AFF3: variants seen among roughly 807,000 people sequenced by gnomAD.
AFF3 encodes the protein AF4/FMR2 family member 3.
AFF3 carries 32 observed loss-of-function variants against 129.7 expected under a neutral mutation model. The ratio of observed to expected loss-of-function variants is 0.25; its 90% CI spans 0.19 to 0.33. AFF3 has a LOEUF of 0.33. Among genes scored for constraint, AFF3 ranks in the 10% least tolerant of loss-of-function variants. The pLI is 1.00. For synonymous variants in AFF3, 644 were observed against 635.4 expected (o/e 1.01, Z -0.20); for missense variants, 1,373 against 1,592.0 (o/e 0.86, Z 2.34).
chr2:99,560,290 G>GC lies in AFF3; in HGVS notation c.3191+74dup. On this transcript the variant is annotated intron_variant, in intron 21 of 24. Transcript: ENST00000672756. The stretch of plus-strand genomic sequence containing the variant: ...TTAGAAGACATTGGGCAAACACTAT[G>GC]CCTTTCAGCACCTGGTTTGCCAATG... 3 of 1,480,286 alleles carry GC rather than the reference G, an allele frequency of 2.0e-6. No individual in the cohort carries two copies. The South Asian group carries it at 3.4e-5, about 17-fold the overall frequency. 91.7% of individuals were successfully genotyped at this position (1,480,286 alleles called of 1,614,324 possible). A position where few individuals can be genotyped will look rare whatever the true frequency, so the allele number is the denominator to read the frequency against.
At chr2:99,974,469 C>T (rs957100825) in intron 7 of AFF3, among the ~76,000 whole-genome samples, 4 of 152,174 alleles carry the variant, frequency 2.6e-5, no homozygotes, top group Admixed American at 6.5e-5. Flanking sequence ...TCCAAACACT[C>T]GCAGACAAGA....
intron 4 of AFF3, among the ~76,000 whole-genome samples, chr2:100,070,129 T>A (rs1367693783): frequency 6.6e-6 from 1 of 152,194 alleles, no homozygotes; most frequent in African/African-American, 2.4e-5. Context: ...TGGAGTAATT[T>A]GTATCAAGTG....
chr2:100,137,470 T>G (rs1692682121), intron 1 of AFF3, among the ~76,000 whole-genome samples: 1 of 152,202 alleles, frequency 6.6e-6, no homozygotes, highest in African/African-American at 2.4e-5. Flanking sequence ...GCCCCTAACT[T>G]ACCCCTCAGT....
intron 13 of AFF3, among the ~76,000 whole-genome samples, chr2:99,645,171 C>T (rs969851156): frequency 2.0e-4 from 30 of 152,168 alleles, no homozygotes; most frequent in African/African-American, 6.5e-4. Context: ...CCCCCCTCTA[C>T]GAAAAGTCCA....
At chr2:99,787,764 T>C (rs1684912401) in intron 8 of AFF3, among the ~76,000 whole-genome samples, 1 of 151,998 alleles carries the variant, frequency 6.6e-6, no homozygotes, top group Non-Finnish European at 1.5e-5. Context: ...CAAACAACAA[T>C]CCGGGAGCCT....
intron 7 of AFF3, among the ~76,000 whole-genome samples, chr2:99,867,676 T>C (rs926867408): frequency 1.3e-5 from 2 of 152,076 alleles, no homozygotes; most frequent in African/African-American, 4.8e-5. Context: ...GGAATGTTCC[T>C]TGCTAATGTC....
chr2:99,599,037 A>G (rs1679560154), intron 14 of AFF3, among the ~76,000 whole-genome samples: 2 of 152,078 alleles, frequency 1.3e-5, no homozygotes, highest in Admixed American at 1.3e-4. Context: ...TAGGGAAGCC[A>G]GGAATCCAAA....
intron 4 of AFF3, among the ~76,000 whole-genome samples, chr2:100,063,054 C>T (rs1417146289): frequency 6.6e-6 from 1 of 152,030 alleles, no homozygotes; most frequent in East Asian, 1.9e-4. Context: ...AGTTCAGGAC[C>T]AGCCTGGCCA....
chr2:99,806,070 A>G (rs1303467854), intron 8 of AFF3, among the ~76,000 whole-genome samples: 1 of 152,152 alleles, frequency 6.6e-6, no homozygotes, highest in Non-Finnish European at 1.5e-5. Context: ...AAAAAAAAAG[A>G]GCAGAACAGT....
chr2:99,869,297 A>C (rs1241188468), intron 7 of AFF3, among the ~76,000 whole-genome samples: 1 of 152,194 alleles, frequency 6.6e-6, no homozygotes, highest in Non-Finnish European at 1.5e-5. Flanking sequence ...TTATCTGTAA[A>C]GACTTTGCTG....
At chr2:99,791,910 A>G (rs887499583) in intron 8 of AFF3, among the ~76,000 whole-genome samples, 4 of 151,808 alleles carry the variant, frequency 2.6e-5, no homozygotes, top group African/African-American at 9.7e-5. Context: ...AGTGCAAAAA[A>G]GTTGTGATGT....
chr2:99,648,997 G>A (rs1440993075), intron 13 of AFF3, among the ~76,000 whole-genome samples: 2 of 151,300 alleles, frequency 1.3e-5, no homozygotes, highest in East Asian at 1.9e-4. Context: ...CAAGGGTCTG[G>A]TCTATTCTAG....
In AFF3 at chr2:99,865,961, C is replaced by T. The variant is rs750895995; in HGVS notation, c.874-28437G>A. 5.3e-5 allele frequency among the ~76,000 whole-genome samples: 8 copies of T among 152,338 alleles called. 1 individual carries two copies. The South Asian group carries it at 6.2e-4, about 12-fold the overall frequency. On this transcript the variant is annotated intron_variant, in intron 7 of 24. Transcript: ENST00000672756. ...ATTCAACAAATATGTTAAGCTCCTACGATGTGTCAGCCATTGTGCTAGGCA... is the reference window on the plus strand; with the variant it reads ...ATTCAACAAATATGTTAAGCTCCTATGATGTGTCAGCCATTGTGCTAGGCA...
At chr2:100,008,230 A>AGCTT (rs778285016) in intron 5 of AFF3, among the ~76,000 whole-genome samples, 16 of 152,302 alleles carry the variant, frequency 1.1e-4, no homozygotes, top group Admixed American at 2.0e-4. Flanking sequence ...GTCAATGTGA[A>AGCTT]GCTTAAAGGA....
intron 8 of AFF3, among the ~76,000 whole-genome samples, chr2:99,833,592 T>C (rs1688658956): frequency 6.6e-6 from 1 of 152,152 alleles, no homozygotes; most frequent in Non-Finnish European, 1.5e-5. Context: ...CTTCAACAAA[T>C]GCCATGTAAA....
chr2:99,836,681 G>T (rs900191871), intron 8 of AFF3, among the ~76,000 whole-genome samples: 2 of 151,064 alleles, frequency 1.3e-5, no homozygotes, highest in African/African-American at 2.4e-5. Flanking sequence ...ATATCCAAAA[G>T]AAAGGACCAT....
At chr2:99,670,897 C>A (rs1486144814) in intron 12 of AFF3, among the ~76,000 whole-genome samples, 1 of 152,122 alleles carries the variant, frequency 6.6e-6, no homozygotes, top group Non-Finnish European at 1.5e-5. Context: ...ACATTCATAA[C>A]ACAATATTAT....
intron 8 of AFF3, among the ~76,000 whole-genome samples, chr2:99,827,723 G>C (rs1688200742): frequency 6.6e-6 from 1 of 151,880 alleles, no homozygotes; most frequent in Non-Finnish European, 1.5e-5. Context: ...ACGATGGAAA[G>C]AATCTGTATG....
chr2:99,885,887 C>T (rs879553883), intron 7 of AFF3, among the ~76,000 whole-genome samples: 3 of 152,136 alleles, frequency 2.0e-5, no homozygotes, highest in Non-Finnish European at 4.4e-5. Context: ...TAGAGCTTCT[C>T]CACCTACCTT....
Sources: allele counts gnomAD v4.1 joint callset (sites outside exome capture counted in the v4.1 genomes callset), GRCh38; gene constraint gnomAD v4.1.1; transcripts MANE v1.5; gene names NCBI Gene and HGNC (gene_info 2026-07-23, HGNC 2026-07-21).